SCEL: variants seen among roughly 807,000 people sequenced by gnomAD.
SCEL encodes the protein sciellin.
A neutral mutation model predicts 117.6 loss-of-function variants in SCEL; 113 were observed. That is an observed-to-expected ratio of 0.96 (90% CI 0.83 to 1.12). The LOEUF (loss-of-function observed/expected upper bound fraction) is 1.12, where lower values mean the gene tolerates loss of function less well. Among genes scored for constraint, SCEL ranks in the 50% most tolerant of loss-of-function variants. SCEL has a pLI of 0.00. For synonymous variants in SCEL, 270 were observed against 256.2 expected (o/e 1.05, Z -0.51); for missense variants, 785 against 810.8 (o/e 0.97, Z 0.39).
intron 30 of SCEL, among the ~76,000 whole-genome samples, chr13:77,639,268 A>G (rs1034598920): frequency 6.6e-6 from 1 of 152,216 alleles, no homozygotes; most frequent in Admixed American, 6.5e-5. Context: ...GTGTGTGTTT[A>G]TGGATAATCC....
intron 1 of SCEL, among the ~76,000 whole-genome samples, chr13:77,545,592 A>G (rs554066214): frequency 6.6e-6 from 1 of 152,356 alleles, no homozygotes; most frequent in South Asian, 2.1e-4. Context: ...CTGCAGTAAA[A>G]TGTCTGCGGA....
intron 10 of SCEL, among the ~76,000 whole-genome samples, chr13:77,589,666 C>T (rs554043338): frequency 1.3e-5 from 2 of 152,274 alleles, no homozygotes; most frequent in South Asian, 4.1e-4. Context: ...GTTCTTGAAA[C>T]TTTGTGTTAC....
intron 4 of SCEL, among the ~76,000 whole-genome samples, chr13:77,560,985 G>T (rs2084946414): frequency 6.7e-6 from 1 of 149,668 alleles, no homozygotes. Context: ...AGGGTGCTGA[G>T]CTTATAACCT....
intron 9 of SCEL, among the ~76,000 whole-genome samples, chr13:77,572,749 C>CTACA (rs2085715204): frequency 6.6e-6 from 1 of 152,232 alleles, no homozygotes; most frequent in African/African-American, 2.4e-5. Flanking sequence ...GTCTGTCCTA[C>CTACA]TACAGTATGA....
chr13:77,607,169 C>G (rs866194013), intron 19 of SCEL, among the ~76,000 whole-genome samples: 2 of 151,940 alleles, frequency 1.3e-5, no homozygotes, highest in Admixed American at 1.3e-4. Flanking sequence ...CCACATGAGC[C>G]ACATGAGTAG....
chr13:77,559,986 T>C (rs2084883647), intron 4 of SCEL, 123 bp downstream of exon 4: 1 of 811,538 alleles, frequency 1.2e-6, no homozygotes, highest in Non-Finnish European at 2.1e-6. Flanking sequence ...GTTCTGGGCA[T>C]GTGAAGGAGA....
At chr13:77,640,147 A>G (rs1469933737) in intron 30 of SCEL, among the ~76,000 whole-genome samples, 1 of 152,082 alleles carries the variant, frequency 6.6e-6, no homozygotes, top group African/African-American at 2.4e-5. Context: ...TGGCACCAAG[A>G]GGAGTGTTTT....
At chr13:77,584,042 C>A (rs1190772383) in intron 9 of SCEL, among the ~76,000 whole-genome samples, 1 of 152,182 alleles carries the variant, frequency 6.6e-6, no homozygotes, top group African/African-American at 2.4e-5. Context: ...TGGCATATAT[C>A]CTGCAGGACC....
chr13:77,562,081 G>A (rs1278098318), intron 4 of SCEL, among the ~76,000 whole-genome samples: 1 of 152,188 alleles, frequency 6.6e-6, no homozygotes, highest in Non-Finnish European at 1.5e-5. Context: ...CAGCCAAATA[G>A]CACCTGTAGG....
In SCEL at chr13:77,543,658, A is replaced by G. The variant is rs377204726; in HGVS notation, c.-20+7834A>G. Reference sequence around the variant, plus strand: ...CCATCTTTATGTCCATGAGTACCCAATGTTTAGTTCCCACTTATAAGGGGA... The same window carrying G: ...CCATCTTTATGTCCATGAGTACCCAGTGTTTAGTTCCCACTTATAAGGGGA... On this transcript the variant is annotated intron_variant, in intron 1 of 32. Transcript: ENST00000349847. Among the ~76,000 whole-genome samples, 5 of 152,112 alleles carry G rather than the reference A, an allele frequency of 3.3e-5. No individual in the cohort carries two copies. In the East Asian group the frequency reaches 5.8e-4, roughly 18 times the overall value.
At chr13:77,643,538 A>G (rs1470017304) in intron 32 of SCEL, among the ~76,000 whole-genome samples, 1 of 152,146 alleles carries the variant, frequency 6.6e-6, no homozygotes, top group Non-Finnish European at 1.5e-5. Flanking sequence ...CCAAAATAAT[A>G]TTGAGAAGAC....
intron 29 of SCEL, among the ~76,000 whole-genome samples, chr13:77,635,123 T>C (rs944370244): frequency 3.9e-5 from 6 of 152,182 alleles, no homozygotes; most frequent in African/African-American, 7.2e-5. Flanking sequence ...AGCTTCTGTG[T>C]GGATGGCAGT....
chr13:77,572,190 G>T lies in SCEL; in HGVS notation c.545+1G>T. On this transcript the variant is annotated splice_donor_variant, in intron 9 of 32. Transcript: ENST00000349847. LOFTEE classifies it high-confidence loss of function. ...CCTCGAGCACAGGAACCAGGAGACG[G>T]TAAGGGAAAGGTGTCAGGCGTAATT... 1 of 1,609,440 alleles carries T rather than the reference G, an allele frequency of 6.2e-7. No homozygotes were observed.
At chr13:77,556,820 CTT>C in intron 3 of SCEL, 107 bp downstream of exon 3, 1 of 790,672 alleles carries the variant, frequency 1.3e-6, no homozygotes, top group Non-Finnish European at 2.2e-6. Context: ...TCCTGAAACA[CTT>C]TGTTGCATGG....
At chr13:77,577,792 C>T (rs777064869) in intron 9 of SCEL, among the ~76,000 whole-genome samples, 45 of 152,240 alleles carry the variant, frequency 3.0e-4, no homozygotes, top group Middle Eastern at 3.4e-3. Context: ...GAAATATTGG[C>T]CATCCCTATT....
chr13:77,633,174 C>T (rs1375745002), intron 28 of SCEL, among the ~76,000 whole-genome samples: 2 of 150,580 alleles, frequency 1.3e-5, no homozygotes, highest in Non-Finnish European at 3.0e-5. Context: ...CGGTGGCTCA[C>T]GCCTGTAATC....
intron 22 of SCEL, among the ~76,000 whole-genome samples, chr13:77,611,334 CACAGTATTT>C (rs1331731975): frequency 3.9e-5 from 6 of 152,200 alleles, no homozygotes; most frequent in African/African-American, 1.4e-4. Context: ...CCCTAGACTA[CACAGTATTT>C]TATTTGAGTG....
At chr13:77,606,424 T>C (rs1449469613) in intron 19 of SCEL, 1 of 152,218 alleles carries the variant, frequency 6.6e-6, no homozygotes, top group East Asian at 1.9e-4. Context: ...GTCCTAAAAA[T>C]ATAGTTAAAG....
At chr13:77,629,251 T>C (rs2089918585) in intron 28 of SCEL, among the ~76,000 whole-genome samples, 1 of 152,166 alleles carries the variant, frequency 6.6e-6, no homozygotes. Context: ...CCTTGGACAT[T>C]AACTAGAGTT....
Sources: allele counts gnomAD v4.1 joint callset (sites outside exome capture counted in the v4.1 genomes callset), GRCh38; gene constraint gnomAD v4.1.1; transcripts MANE v1.5; gene names NCBI Gene and HGNC (gene_info 2026-07-23, HGNC 2026-07-21).